Variants in OPCML observed in about 807,000 individuals in gnomAD.
OPCML encodes opioid binding protein/cell adhesion molecule like.
A neutral mutation model predicts 37.8 loss-of-function variants in OPCML; 13 were observed. The ratio of observed to expected loss-of-function variants is 0.34; its 90% CI spans 0.22 to 0.55. The LOEUF (loss-of-function observed/expected upper bound fraction) is 0.55, where lower values mean the gene tolerates loss of function less well. Ranked by LOEUF, OPCML falls within the 20% of genes least tolerant of loss-of-function variation. The probability of loss-of-function intolerance (pLI) is 0.91; values close to 1 mark genes in which losing one functional copy is unlikely to be tolerated. For missense variants in OPCML, 341 were observed against 435.6 expected (o/e 0.78, Z 1.93); for synonymous variants, 176 against 168.8 (o/e 1.04, Z -0.33).
intron 3 of OPCML, among the ~76,000 whole-genome samples, chr11:132,632,671 T>C (rs1940226730): frequency 1.3e-5 from 2 of 152,060 alleles, no homozygotes; most frequent in African/African-American, 4.8e-5. Context: ...TGCTTCCCTA[T>C]CTTCAGCAAG....
chr11:133,220,907 A>G (rs765115687), intron 1 of OPCML, among the ~76,000 whole-genome samples: 9 of 152,136 alleles, frequency 5.9e-5, no homozygotes, highest in Non-Finnish European at 1.0e-4. Flanking sequence ...GAAGATCCCC[A>G]GGCCTCAGTG....
chr11:132,760,722 A>G (rs1449122251), intron 2 of OPCML, among the ~76,000 whole-genome samples: 2 of 151,880 alleles, frequency 1.3e-5, no homozygotes, highest in Non-Finnish European at 2.9e-5. Context: ...TCTCTTGAAT[A>G]CAGCACACTG....
At chr11:132,973,402 T>C (rs530065609) in intron 1 of OPCML, among the ~76,000 whole-genome samples, 33 of 152,344 alleles carry the variant, frequency 2.2e-4, no homozygotes, top group South Asian at 1.0e-3. Context: ...TGCAACTTCC[T>C]GGCCATTGAC....
At chr11:132,609,857 A>G (rs1213503661) in intron 3 of OPCML, among the ~76,000 whole-genome samples, 1 of 152,216 alleles carries the variant, frequency 6.6e-6, no homozygotes, top group Non-Finnish European at 1.5e-5. Flanking sequence ...AGTGCCTGGC[A>G]CAGTATAGGG....
chr11:132,839,572 G>T (rs34724215), intron 2 of OPCML, among the ~76,000 whole-genome samples: 11,460 of 152,236 alleles, frequency 0.075, 477 homozygotes, highest in African/African-American at 0.09. Context: ...CACGTGAAAT[G>T]AGGACAAGGC....
At chr11:133,348,798 A>G (rs536225351) in intron 1 of OPCML, among the ~76,000 whole-genome samples, 21 of 152,320 alleles carry the variant, frequency 1.4e-4, no homozygotes, top group African/African-American at 5.1e-4. Context: ...ACCATGTGGG[A>G]CAGACTTCAT....
intron 1 of OPCML, among the ~76,000 whole-genome samples, chr11:133,489,451 G>A (rs777849729): frequency 2.1e-4 from 32 of 152,176 alleles, no homozygotes; most frequent in Admixed American, 5.2e-4. Context: ...AAAGGAAGAC[G>A]TATAAATGGC....
At chr11:132,554,413 C>A (rs2096389593) in intron 3 of OPCML, among the ~76,000 whole-genome samples, 1 of 152,304 alleles carries the variant, frequency 6.6e-6, no homozygotes, top group Non-Finnish European at 1.5e-5. Flanking sequence ...GGTCTCAGGG[C>A]AGGAGAAAAT....
chr11:132,590,723 C>A (rs967494440), intron 3 of OPCML, among the ~76,000 whole-genome samples: 13 of 152,128 alleles, frequency 8.5e-5, no homozygotes, highest in African/African-American at 3.1e-4. Context: ...ACACGCATGA[C>A]ACCAGCATAA....
At chr11:133,383,081 T>G (rs1484078163) in intron 1 of OPCML, among the ~76,000 whole-genome samples, 1 of 151,906 alleles carries the variant, frequency 6.6e-6, no homozygotes, top group African/African-American at 2.4e-5. Context: ...AACACCAACA[T>G]CCTCCTGGTC....
At chr11:133,157,693 C>T (rs1034404507) in intron 1 of OPCML, among the ~76,000 whole-genome samples, 3 of 152,148 alleles carry the variant, frequency 2.0e-5, no homozygotes, top group African/African-American at 7.2e-5. Flanking sequence ...ATCAACTCCC[C>T]CTTTGGATCA....
intron 1 of OPCML, among the ~76,000 whole-genome samples, chr11:133,400,835 A>T (rs1025572133): frequency 2.6e-5 from 4 of 152,150 alleles, no homozygotes; most frequent in Non-Finnish European, 5.9e-5. Context: ...ATCCTAAGGT[A>T]GTAGGTTCCT....
intron 2 of OPCML, among the ~76,000 whole-genome samples, chr11:132,896,230 T>A (rs966722726): frequency 6.6e-6 from 1 of 152,102 alleles, no homozygotes; most frequent in Admixed American, 6.5e-5. Context: ...AGTGGATTTG[T>A]CACTTAAACC....
At chr11:133,399,101 A>G (rs1243036944) in intron 1 of OPCML, among the ~76,000 whole-genome samples, 2 of 152,230 alleles carry the variant, frequency 1.3e-5, no homozygotes, top group Non-Finnish European at 2.9e-5. Context: ...CTTATCTGAA[A>G]TAAATGTTAG....
chr11:133,007,793 A>G, intron 1 of OPCML: 1 of 985,452 alleles, frequency 1.0e-6, no homozygotes, highest in Non-Finnish European at 1.2e-6. Context: ...TAGCACATGT[A>G]TCATATCTCC....
chr11:133,233,382 C>T (rs1029972105), intron 1 of OPCML, among the ~76,000 whole-genome samples: 1 of 152,142 alleles, frequency 6.6e-6, no homozygotes, highest in African/African-American at 2.4e-5. Context: ...TGTCTACGAG[C>T]AGGGCATAAG....
chr11:132,571,696 A>G (rs1169861302), intron 3 of OPCML, among the ~76,000 whole-genome samples: 1 of 152,126 alleles, frequency 6.6e-6, no homozygotes, highest in African/African-American at 2.4e-5. Context: ...GGTTGTTTCC[A>G]CATCTTAGCT....
intron 1 of OPCML, among the ~76,000 whole-genome samples, chr11:132,989,108 G>A: frequency 6.6e-6 from 1 of 152,174 alleles, no homozygotes; most frequent in South Asian, 2.1e-4. Flanking sequence ...TGCTGCTCTG[G>A]TAGGCAGTTT....
At chr11:133,257,842 TTCTA>T (rs1323602371) in intron 1 of OPCML, among the ~76,000 whole-genome samples, 1 of 146,522 alleles carries the variant, frequency 6.8e-6, no homozygotes, top group Non-Finnish European at 1.5e-5. Flanking sequence ...TTCCTTGTCT[TTCTA>T]TCTTTTTTTT....
Sources: gnomAD v4.1 joint callset for allele counts (sites outside exome capture counted in the v4.1 genomes callset) on GRCh38, gnomAD v4.1.1 for gene constraint, MANE v1.5 for transcripts, NCBI Gene and HGNC (gene_info 2026-07-23, HGNC 2026-07-21) for gene names.